The following PPIL1 variants were observed in gnomAD, a reference collection of about 807,000 sequenced individuals.
PPIL1 encodes the protein peptidylprolyl isomerase like 1.
Under a neutral mutation model 19.4 loss-of-function variants are expected in PPIL1, and 14 were observed. That is an observed-to-expected ratio of 0.72 (90% CI 0.48 to 1.13). PPIL1 has a LOEUF of 1.13. Among genes scored for constraint, PPIL1 ranks in the 50% most tolerant of loss-of-function variants. The probability of loss-of-function intolerance (pLI) is 0.00; values close to 1 mark genes in which losing one functional copy is unlikely to be tolerated. For synonymous variants in PPIL1, 72 were observed against 73.6 expected, an observed-to-expected ratio of 0.98 and a Z score of 0.11; for missense variants, 192 against 218.0, an observed-to-expected ratio of 0.88 and a Z score of 0.75.
At chr6:36,860,763 TAAAA>T (rs10585822) in intron 2 of PPIL1, among the ~76,000 whole-genome samples, 7 of 122,218 alleles carry the variant, frequency 5.7e-5, no homozygotes, top group East Asian at 4.9e-4. Context: ...TATGTATCCC[TAAAA>T]AAAAAAAAAA....
At chr6:36,861,049 G>A (rs1408781591) in intron 2 of PPIL1, among the ~76,000 whole-genome samples, 1 of 151,910 alleles carries the variant, frequency 6.6e-6, no homozygotes, top group Non-Finnish European at 1.5e-5. Context: ...TATCGACCAT[G>A]CTATAAAAAC....
chr6:36,862,998 TCAGTTCCC>T (rs2150656932), intron 2 of PPIL1, among the ~76,000 whole-genome samples: 1 of 152,294 alleles, frequency 6.6e-6, no homozygotes, highest in South Asian at 2.1e-4. Context: ...TCTCCAAGCC[TCAGTTCCC>T]CTGTCTGCAA....
In PPIL1 at chr6:36,855,991, T is replaced by C. The variant is rs753149952; in HGVS notation, c.323A>G (p.Asn108Ser). ...LAMANAGPDT[N>S]GSQFFVTLAP... ...GAGGGTCACAAAGAACTGGCTGCCA[T>C]TGGTATCTGGCCCCGCATTGGCCAT... Residue 108 changes from asparagine (N) to serine (S), a missense_variant, in exon 4 of 4, where the codon AAT (asparagine) becomes AGT (serine). Coordinates refer to ENST00000373699, the MANE Select transcript of PPIL1 (RefSeq NM_016059.5). The C allele has an allele frequency of 1.1e-5, 18 of 1,614,086 alleles. No individual in the cohort carries two copies. In the South Asian group the frequency reaches 1.2e-4, roughly 11 times the overall value.
At chr6:36,873,119 T>G (rs983269116) in intron 1 of PPIL1, among the ~76,000 whole-genome samples, 1 of 152,218 alleles carries the variant, frequency 6.6e-6, no homozygotes, top group Non-Finnish European at 1.5e-5. Flanking sequence ...AAGCTTACAT[T>G]CTGGAGGATA....
intron 2 of PPIL1, among the ~76,000 whole-genome samples, chr6:36,867,233 G>A (rs946860548): frequency 6.6e-6 from 1 of 152,096 alleles, no homozygotes; most frequent in Non-Finnish European, 1.5e-5. Context: ...GCCATACAGG[G>A]TCATTCTAAG....
intron 2 of PPIL1, 130 bp downstream of exon 2, chr6:36,871,588 G>C (rs1322672239): frequency 9.4e-6 from 11 of 1,164,358 alleles, no homozygotes; most frequent in Non-Finnish European, 1.2e-5. Context: ...TTAGTAAGTG[G>C]AAAAGAGAGC....
intron 2 of PPIL1, among the ~76,000 whole-genome samples, chr6:36,868,519 C>A (rs140671673): frequency 6.6e-6 from 1 of 152,244 alleles, no homozygotes; most frequent in East Asian, 1.9e-4. Flanking sequence ...AATCTGGCCT[C>A]AGTATTCTCC....
intron 2 of PPIL1, among the ~76,000 whole-genome samples, chr6:36,867,784 G>A (rs1774423898): frequency 6.6e-6 from 1 of 152,248 alleles, no homozygotes; most frequent in Non-Finnish European, 1.5e-5. Context: ...CATGAGCTGA[G>A]CTCCAGTTCT....
intron 2 of PPIL1, among the ~76,000 whole-genome samples, chr6:36,862,682 T>C (rs1774314894): frequency 6.6e-6 from 1 of 152,190 alleles, no homozygotes; most frequent in South Asian, 2.1e-4. Flanking sequence ...ATGGCAAGCC[T>C]AGATCCCTGA....
In PPIL1 at chr6:36,856,601, C is replaced by T. The variant is rs1392118801; in HGVS notation, c.265G>A (p.Asp89Asn). The change falls in exon 3 of 4, where the codon GAC becomes AAC. Residue 89 changes from aspartate to asparagine, a missense_variant. Transcript: ENST00000373699. ...GKQFEDELHP[D>N]LKFTGAGILA... ...ATACACTTACCCGTGAATTTCAAGT[C>T]TGGATGAAGTTCATCTTCAAACTGT... is the stretch of plus-strand genomic sequence containing the variant. The T allele has an allele frequency of 6.2e-7, 1 of 1,614,140 alleles. No individual in the cohort carries two copies. The highest frequency in any genetic ancestry group is 2.2e-5 in the East Asian group (1 of 44,890).
rs55772980 is a variant in PPIL1 at position 36,861,680 on chromosome 6, GTT to G, written c.212-5028_212-5027del. On this transcript the variant is annotated intron_variant, in intron 2 of 3. Coordinates refer to ENST00000373699, the MANE Select transcript of PPIL1 (RefSeq NM_016059.5). ...CTTAACCTTCTTCTTTATGATCTGTGTTTTTTTTTTTTTTTAATTCCTTTTTT... is the reference window on the plus strand; with the variant it reads ...CTTAACCTTCTTCTTTATGATCTGTGTTTTTTTTTTTTTAATTCCTTTTTT... Among the ~76,000 whole-genome samples, 131 of 136,502 alleles carry G rather than the reference GTT, an allele frequency of 9.6e-4. No homozygotes were observed. The East Asian group carries it at 0.012, about 12-fold the overall frequency. The allele number at this position is 136,502 out of a possible 152,430, so 89.6% of individuals were successfully genotyped here.
At chr6:36,856,707 C>A (rs1774175138) in intron 2 of PPIL1, 53 bp from the exon 3 acceptor site, 2 of 1,514,408 alleles carry the variant, frequency 1.3e-6, no homozygotes, top group Admixed American at 3.3e-5. Context: ...TTCTATCTCA[C>A]AGCAAGAATG....
At chr6:36,867,616 C>T (rs1392709606) in intron 2 of PPIL1, among the ~76,000 whole-genome samples, 2 of 152,210 alleles carry the variant, frequency 1.3e-5, no homozygotes, top group Admixed American at 1.3e-4. Flanking sequence ...CAGGGCTGGC[C>T]ACCTTCCAGG....
At chr6:36,863,198 G>A (rs115509938) in intron 2 of PPIL1, among the ~76,000 whole-genome samples, 1 of 152,304 alleles carries the variant, frequency 6.6e-6, no homozygotes, top group African/African-American at 2.4e-5. Context: ...ATGATTCAAA[G>A]TGCCACCTCG....
chr6:36,864,104 C>T (rs1017937316), intron 2 of PPIL1, among the ~76,000 whole-genome samples: 7 of 151,996 alleles, frequency 4.6e-5, no homozygotes, highest in African/African-American at 1.7e-4. Flanking sequence ...CAACCATCTC[C>T]AGCTTGAATA....
intron 2 of PPIL1, among the ~76,000 whole-genome samples, chr6:36,857,436 G>A (rs570838060): frequency 2.6e-5 from 4 of 151,078 alleles, no homozygotes; most frequent in African/African-American, 9.7e-5. Flanking sequence ...GAGGACTGCT[G>A]GAGGCCAGGA....
At chr6:36,859,898 G>A (rs552048009) in intron 2 of PPIL1, among the ~76,000 whole-genome samples, 101 of 150,868 alleles carry the variant, frequency 6.7e-4, no homozygotes, top group African/African-American at 2.4e-3. Flanking sequence ...GTGCGATCTC[G>A]GCTCACTGCA....
intron 2 of PPIL1, among the ~76,000 whole-genome samples, chr6:36,868,441 T>C (rs1774436265): frequency 6.6e-6 from 1 of 152,048 alleles, no homozygotes; most frequent in African/African-American, 2.4e-5. Flanking sequence ...GAAAATCCAG[T>C]AAGTATAACA....
intron 2 of PPIL1, among the ~76,000 whole-genome samples, chr6:36,862,665 G>C (rs1388656195): frequency 2.6e-5 from 4 of 152,192 alleles, no homozygotes; most frequent in African/African-American, 9.7e-5. Flanking sequence ...ATGAAGTGGG[G>C]AAAGATATGG....
Sources: gnomAD v4.1 joint callset for allele counts (sites outside exome capture counted in the v4.1 genomes callset) on GRCh38, gnomAD v4.1.1 for gene constraint, MANE v1.5 for transcripts, NCBI Gene and HGNC (gene_info 2026-07-23, HGNC 2026-07-21) for gene names.